The following ZNF831 variants were observed in gnomAD, a reference collection of about 807,000 sequenced individuals.
ZNF831 encodes the protein zinc finger protein 831.
A neutral mutation model predicts 95.8 loss-of-function variants in ZNF831; 59 were observed. That is an observed-to-expected ratio of 0.62 (90% CI 0.50 to 0.77). The LOEUF (loss-of-function observed/expected upper bound fraction) is 0.77, where lower values mean the gene tolerates loss of function less well. Among genes scored for constraint, ZNF831 ranks in the 30% least tolerant of loss-of-function variants. The pLI, the probability that ZNF831 is intolerant of heterozygous loss-of-function variation, is 0.00. For missense variants in ZNF831, 2,205 were observed against 2,164.0 expected, an observed-to-expected ratio of 1.02 and a Z score of -0.38; for synonymous variants, 961 against 925.5, an observed-to-expected ratio of 1.04 and a Z score of -0.70.
chr20:59,168,069 C>T (rs1235503259), intron 1 of ZNF831, among the ~76,000 whole-genome samples: 2 of 152,052 alleles, frequency 1.3e-5, no homozygotes, highest in East Asian at 3.8e-4. Context: ...TTGAGTTATT[C>T]CAGTTCTTTT....
At position 59,173,790 on chromosome 20, in the gene ZNF831, A is replaced by G. The variant is rs141159417; in HGVS notation, c.-37+9583A>G. Among the ~76,000 whole-genome samples, 4 of 152,298 alleles carry G rather than the reference A, an allele frequency of 2.6e-5. No individual in the cohort carries two copies. The East Asian group carries it at 7.7e-4, about 29-fold the overall frequency. On this transcript the variant is annotated intron_variant, in intron 1 of 5. Transcript: ENST00000371030. ...GTAGACTTCTGTGCCCAGTCAGAAG[A>G]CAGAAACCACCCAGTGGGTTATGCA...
chr20:59,238,514 G>A (rs1987128607), intron 4 of ZNF831, among the ~76,000 whole-genome samples: 1 of 152,190 alleles, frequency 6.6e-6, no homozygotes, highest in Non-Finnish European at 1.5e-5. Context: ...CCTGACCAGA[G>A]GAGAGGAGCA....
At chr20:59,253,606 G>C (rs1988015754) in intron 5 of ZNF831, among the ~76,000 whole-genome samples, 1 of 152,152 alleles carries the variant, frequency 6.6e-6, no homozygotes, top group Admixed American at 6.5e-5. Flanking sequence ...ACTTAAAAAA[G>C]GAAGCTGAGA....
At chr20:59,158,309 A>G (rs1409737167) in intron 2 of ZNF831, among the ~76,000 whole-genome samples, 1 of 152,244 alleles carries the variant, frequency 6.6e-6, no homozygotes, top group African/African-American at 2.4e-5. Context: ...AGCCAGCTTG[A>G]TGGAGCCATC....
intron 2 of ZNF831, among the ~76,000 whole-genome samples, chr20:59,151,054 G>A (rs1209563369): frequency 1.3e-5 from 2 of 152,208 alleles, no homozygotes; most frequent in African/African-American, 4.8e-5. Context: ...CGATAGTGCA[G>A]GGGTACCGGG....
intron 1 of ZNF831, among the ~76,000 whole-genome samples, chr20:59,177,159 T>A (rs1198629624): frequency 6.6e-6 from 1 of 152,182 alleles, no homozygotes; most frequent in Admixed American, 6.5e-5. Context: ...CCATTTGCCG[T>A]GGAGGAGAGT....
chr20:59,217,979 C>G lies in ZNF831; in HGVS notation c.4027+10923C>G, dbSNP rs1312219552. 1.3e-5 allele frequency among the ~76,000 whole-genome samples: 2 copies of G among 152,196 alleles called. No homozygotes were observed. The highest frequency in any genetic ancestry group is 2.1e-4 in the South Asian group (1 of 4,832). On this transcript the variant is annotated intron_variant, in intron 4 of 5. Transcript: ENST00000371030. The surrounding 1 kb of genome is among the most constrained non-coding windows in gnomAD (Gnocchi z 4.4). ...CTGTGCCCAGCCAATTCATTAGACCCAGTTAGCAATTTGCAAAAGAGATGA... is the reference window on the plus strand; with the variant it reads ...CTGTGCCCAGCCAATTCATTAGACCGAGTTAGCAATTTGCAAAAGAGATGA...
intron 1 of ZNF831, among the ~76,000 whole-genome samples, chr20:59,129,552 G>A (rs1979284471): frequency 6.6e-6 from 1 of 152,164 alleles, no homozygotes; most frequent in Admixed American, 6.5e-5. Flanking sequence ...GAATCCGGGA[G>A]GCAGAAGTTG....
In ZNF831 at chr20:59,189,408, G is replaced by A. The variant is rs563119674; in HGVS notation, c.-36-1576G>A. 2.2e-4 allele frequency among the ~76,000 whole-genome samples: 34 copies of A among 152,300 alleles called. No individual in the cohort carries two copies. In the South Asian group the frequency reaches 6.8e-3, roughly 31 times the overall value. ...TAGGGCTGTGTTTCACAGCTGGCTT[G>A]CGCAATTTTTGAAAATTTAACAATC... On this transcript the variant is annotated intron_variant, in intron 1 of 5. Transcript: ENST00000371030.
At position 59,192,155 on chromosome 20, in the gene ZNF831, C is replaced by A; in HGVS notation, c.1136C>A (p.Pro379Gln). The A allele has an allele frequency of 6.4e-7, 1 of 1,558,486 alleles. No individual in the cohort carries two copies. The highest frequency in any genetic ancestry group is 1.4e-5 in the African/African-American group (1 of 73,056). The stretch of plus-strand genomic sequence containing the variant: ...GCCGAGTCCGAGGGGGAGGGCGGCC[C>A]GGGCCCGGGGCCAGGGGTCGCAGGG... ...HSAESEGEGGPGPGPGVAGAE... is the reference protein window; with the variant it reads ...HSAESEGEGGQGPGPGVAGAE... The change falls in exon 2 of 6, where the codon CCG becomes CAG. Residue 379 changes from proline (P) to glutamine (Q), a missense_variant. Coordinates refer to ENST00000371030, the MANE Select transcript of ZNF831 (RefSeq NM_178457.3). The surrounding 1 kb of genome is among the most constrained non-coding windows in gnomAD (Gnocchi z 5.2).
intron 2 of ZNF831, among the ~76,000 whole-genome samples, chr20:59,153,578 A>G (rs1980369962): frequency 6.6e-6 from 1 of 152,170 alleles, no homozygotes; most frequent in Non-Finnish European, 1.5e-5. Flanking sequence ...CTGGACGGAC[A>G]TGTTCAATGG....
chr20:59,220,721 T>G (rs903744574), intron 4 of ZNF831, among the ~76,000 whole-genome samples: 1 of 152,198 alleles, frequency 6.6e-6, no homozygotes, highest in African/African-American at 2.4e-5. Context: ...AAGAATCTGC[T>G]CCTTCTGATG....
At chr20:59,174,813 C>T (rs149453415) in intron 1 of ZNF831, among the ~76,000 whole-genome samples, 2 of 152,314 alleles carry the variant, frequency 1.3e-5, no homozygotes, top group African/African-American at 4.8e-5. Flanking sequence ...TTTTTACCCA[C>T]TTTTTTACTG....
chr20:59,156,582 C>T (rs905068773), intron 2 of ZNF831, among the ~76,000 whole-genome samples: 3 of 152,072 alleles, frequency 2.0e-5, no homozygotes, highest in African/African-American at 4.8e-5. Context: ...ATAGGCAAAA[C>T]GGACACTCTG....
At chr20:59,157,592 C>A (rs1980608542) in intron 2 of ZNF831, among the ~76,000 whole-genome samples, 1 of 152,168 alleles carries the variant, frequency 6.6e-6, no homozygotes, top group East Asian at 1.9e-4. Flanking sequence ...CTGGGAAGGG[C>A]CAGGGTCTCT....
chr20:59,189,590 G>T (rs1295407703), intron 1 of ZNF831, among the ~76,000 whole-genome samples: 1 of 152,132 alleles, frequency 6.6e-6, no homozygotes, highest in Non-Finnish European at 1.5e-5. Context: ...TGGCTCACTG[G>T]AACCTCCACC....
chr20:59,188,982 A>G (rs553644265), intron 1 of ZNF831, among the ~76,000 whole-genome samples: 13 of 152,248 alleles, frequency 8.5e-5, no homozygotes, highest in Middle Eastern at 3.4e-3. Context: ...GGAGTTCGAG[A>G]CCAGCCTGGT....
chr20:59,185,240 C>T (rs1422458157), intron 1 of ZNF831, among the ~76,000 whole-genome samples: 4 of 152,180 alleles, frequency 2.6e-5, no homozygotes, highest in Non-Finnish European at 4.4e-5. Flanking sequence ...CGTCATCTCC[C>T]TCGAGGAAGG....
chr20:59,149,704 C>T (rs1980108269), intron 2 of ZNF831, among the ~76,000 whole-genome samples: 1 of 152,262 alleles, frequency 6.6e-6, no homozygotes, highest in Non-Finnish European at 1.5e-5. Flanking sequence ...GCCCCCAACA[C>T]ATGTTTCATG....
Sources: allele counts gnomAD v4.1 joint callset (sites outside exome capture counted in the v4.1 genomes callset), GRCh38; gene constraint gnomAD v4.1.1; non-coding constraint Gnocchi (gnomAD v3.1); transcripts MANE v1.5; gene names NCBI Gene and HGNC (gene_info 2026-07-23, HGNC 2026-07-21).